The following AVPI1 variants were observed in gnomAD, a reference collection of about 807,000 sequenced individuals.
AVPI1 encodes the protein arginine vasopressin induced 1.
AVPI1 carries 9 observed loss-of-function variants against 11.9 expected under a neutral mutation model. The ratio of observed to expected loss-of-function variants is 0.76; its 90% CI spans 0.46 to 1.32. The LOEUF (loss-of-function observed/expected upper bound fraction) is 1.32. AVPI1 is among the 40% of genes most tolerant of loss of function. The probability of loss-of-function intolerance (pLI) is 0.00; values close to 1 mark genes in which losing one functional copy is unlikely to be tolerated. For synonymous variants in AVPI1, 68 were observed against 78.1 expected (o/e 0.87, Z 0.68); for missense variants, 207 against 195.8 (o/e 1.06, Z -0.34).
chr10:97,685,365 C>T (rs4919129), intron 1 of AVPI1, among the ~76,000 whole-genome samples: 44,920 of 152,032 alleles, frequency 0.3, 6,869 homozygotes, highest in African/African-American at 0.37. Context: ...ATAAATATGG[C>T]GCGCAATTGA....
At chr10:97,679,582 G>C (rs746174840) in intron 2 of AVPI1, 37 bp downstream of exon 2, 1 of 1,569,208 alleles carries the variant, frequency 6.4e-7, no homozygotes, top group South Asian at 1.2e-5. Flanking sequence ...ACAGGCATTA[G>C]TGCTCTTCCC....
At chr10:97,683,456 G>A (rs1325590694) in intron 1 of AVPI1, among the ~76,000 whole-genome samples, 2 of 152,188 alleles carry the variant, frequency 1.3e-5, no homozygotes, top group African/African-American at 4.8e-5. Flanking sequence ...ACTGCGCCCG[G>A]TCAGCCCACG....
intron 2 of AVPI1, 128 bp from the exon 3 acceptor site, chr10:97,678,153 G>C: frequency 5.9e-6 from 6 of 1,020,260 alleles, no homozygotes; most frequent in Non-Finnish European, 8.5e-6. Flanking sequence ...GCTCTGCTCT[G>C]GTCTTTCCCC....
intron 2 of AVPI1, among the ~76,000 whole-genome samples, chr10:97,679,294 G>A (rs2041689753): frequency 6.6e-6 from 1 of 151,866 alleles, no homozygotes; most frequent in Non-Finnish European, 1.5e-5. Context: ...ACAGGTGTGT[G>A]CCACCACACC....
At position 97,687,202 on chromosome 10, in the gene AVPI1, C is replaced by T. The variant is rs1206474692; in HGVS notation, c.-447G>A. On this transcript the variant is annotated 5_prime_UTR_variant, in exon 1 of 3. Coordinates refer to ENST00000370626, the MANE Select transcript of AVPI1 (RefSeq NM_021732.3). ...CGCGGTTCCCGGGAGAAAGCGCTCC[C>T]TAGCCCCGGAACAGCCAATCCTCGG... 6.6e-6 allele frequency: 1 copy of T among 152,454 alleles called. No individual in the cohort carries two copies. Among genetic ancestry groups the T allele is most frequent in the African/African-American group, 2.4e-5 (1 of 41,478 alleles). The allele number at this position is 152,454 out of a possible 1,614,324, so 9.4% of individuals were successfully genotyped here.
rs1307830939 is a variant in AVPI1, at chr10:97,679,556, G to A, written c.287+63C>T. The A allele has an allele frequency of 2.0e-6, 3 of 1,508,644 alleles. No individual in the cohort carries two copies. The African/African-American group carries it at 4.1e-5, about 21-fold the overall frequency. The allele number at this position is 1,508,644 out of a possible 1,614,324, so 93.5% of individuals were successfully genotyped here. A position where few individuals can be genotyped will look rare whatever the true frequency, so the allele number is the denominator to read the frequency against. The stretch of plus-strand genomic sequence containing the variant: ...CAAGTAACTAGCTCCAGGCCACACA[G>A]CCATGCAGTGGTGGAACAGGCATTA... On this transcript the variant is annotated intron_variant, in intron 2 of 2. Transcript: ENST00000370626.
At chr10:97,685,081 C>A (rs1474602441) in intron 1 of AVPI1, among the ~76,000 whole-genome samples, 2 of 152,072 alleles carry the variant, frequency 1.3e-5, no homozygotes, top group Non-Finnish European at 1.5e-5. Flanking sequence ...AAAATGAAAC[C>A]ATGGGGCTAT....
chr10:97,681,533 G>A (rs2041703733), intron 1 of AVPI1, among the ~76,000 whole-genome samples: 1 of 151,162 alleles, frequency 6.6e-6, no homozygotes, highest in Admixed American at 6.6e-5. Context: ...GGTGAGCCGA[G>A]ATCCCGCCAT....
At chr10:97,680,023 A>G in intron 1 of AVPI1, 108 bp from the exon 2 acceptor site, 4 of 1,090,208 alleles carry the variant, frequency 3.7e-6, no homozygotes, top group Non-Finnish European at 5.1e-6. Context: ...CAAGAGCTAA[A>G]CTGGAGGAAG....
At chr10:97,686,595 A>G (rs534108653) in intron 1 of AVPI1, among the ~76,000 whole-genome samples, 171 bp downstream of exon 1, 37 of 152,348 alleles carry the variant, frequency 2.4e-4, no homozygotes, top group Non-Finnish European at 1.5e-4. Context: ...TGTTCCTGCC[A>G]GATGGCTGAG....
chr10:97,679,807 G>A lies in AVPI1; in HGVS notation c.99C>T (p.Asp33=), dbSNP rs561960576. ...GGGCTTGGATCTGCAGCAGCTCGGC[G>A]TCCTGGAAGATGTTGGCCGAGGCCT... ...RKQASANIFQ[D]AELLQIQALF... The change falls in exon 2 of 3, where the codon GAC becomes GAT. Residue 33 remains aspartate (D), a synonymous_variant. Transcript: ENST00000370626. The A allele has an allele frequency of 7.1e-5, 114 of 1,613,172 alleles. No homozygotes were observed. The highest frequency in any genetic ancestry group is 9.0e-5 in the Non-Finnish European group (106 of 1,179,892).
chr10:97,677,709 C>T lies in AVPI1; in HGVS notation c.*160G>A. The T allele has an allele frequency of 1.2e-6, 1 of 804,942 alleles. No homozygotes were observed. 49.9% of individuals were successfully genotyped at this position (804,942 alleles called of 1,614,324 possible). A position where few individuals can be genotyped will look rare whatever the true frequency, so the allele number is the denominator to read the frequency against. On this transcript the variant is annotated 3_prime_UTR_variant, in exon 3 of 3. Transcript: ENST00000370626. ...GGGTCCCACATAATGGAGAGCTCAA[C>T]AGAAGCATCCAGTCTTGTTCTGAAT...
At chr10:97,683,120 G>A (rs895906745) in intron 1 of AVPI1, among the ~76,000 whole-genome samples, 1 of 152,148 alleles carries the variant, frequency 6.6e-6, no homozygotes, top group Admixed American at 6.6e-5. Flanking sequence ...GCTTAGCCGA[G>A]GCCAGAGGTG....
chr10:97,678,069 A>T (rs749806834), intron 2 of AVPI1, 44 bp from the exon 3 acceptor site: 3 of 1,583,120 alleles, frequency 1.9e-6, no homozygotes, highest in Middle Eastern at 3.4e-4. Context: ...AATAGGAAGA[A>T]TGGAATGGGG....
chr10:97,678,122 T>C (rs564595101), intron 2 of AVPI1, 97 bp from the exon 3 acceptor site: 1 of 1,375,472 alleles, frequency 7.3e-7, no homozygotes. Flanking sequence ...AACATATGAT[T>C]TGGAGCAAAA....
Position 97,679,876 on chromosome 10 carries a change from C to A in AVPI1, c.30G>T (p.Glu10Asp). The change falls in exon 2 of 3, where the codon GAG (glutamate) becomes GAT (aspartate). Residue 10 changes from glutamate to aspartate, a missense_variant. Glu to Asp is a conservative substitution (Grantham distance 45). Transcript: ENST00000370626. Reference sequence around the variant, plus strand: ...CAATCGGGGCCTGCCAAGGGGGTGGCTCACTGACCACCGAGGCTGGGGTAC... The same window carrying A: ...CAATCGGGGCCTGCCAAGGGGGTGGATCACTGACCACCGAGGCTGGGGTAC... MGTPASVVS[E>D]PPPWQAPIEA... The A allele has an allele frequency of 6.3e-7, 1 of 1,592,262 alleles. No homozygotes were observed.
At chr10:97,681,414 C>G (rs1458486589) in intron 1 of AVPI1, among the ~76,000 whole-genome samples, 1 of 151,898 alleles carries the variant, frequency 6.6e-6, no homozygotes, top group Non-Finnish European at 1.5e-5. Context: ...GAAACTCCGT[C>G]TCTACTAAAA....
rs1031330898 is a variant in AVPI1 at position 97,677,688 on chromosome 10, C to T, written c.*181G>A. 10 of 658,442 alleles carry T rather than the reference C, an allele frequency of 1.5e-5. No individual in the cohort carries two copies. The highest frequency in any genetic ancestry group is 2.5e-5 in the Non-Finnish European group (10 of 395,348). 40.8% of individuals were successfully genotyped at this position (658,442 alleles called of 1,614,324 possible). ...CTCCTCATTTTGGTGAGGAATGGGT[C>T]CCACATAATGGAGAGCTCAACAGAA... On this transcript the variant is annotated 3_prime_UTR_variant, in exon 3 of 3. Transcript: ENST00000370626.
intron 1 of AVPI1, among the ~76,000 whole-genome samples, chr10:97,684,197 G>A (rs574203297): frequency 5.5e-4 from 83 of 152,290 alleles, no homozygotes; most frequent in African/African-American, 1.9e-3. Flanking sequence ...CGGGGCAGAC[G>A]CCTAGGCAGG....
Sources: gnomAD v4.1 joint callset for allele counts (sites outside exome capture counted in the v4.1 genomes callset) on GRCh38, gnomAD v4.1.1 for gene constraint, MANE v1.5 for transcripts, NCBI Gene and HGNC (gene_info 2026-07-23, HGNC 2026-07-21) for gene names.